RORA: variants seen among roughly 807,000 people sequenced by gnomAD.
RORA encodes the protein nuclear receptor ROR-alpha.
RORA carries 7 observed loss-of-function variants against 69.5 expected under a neutral mutation model. The ratio of observed to expected loss-of-function variants is 0.10; its 90% confidence interval spans 0.06 to 0.19. The LOEUF is 0.19. Among genes scored for constraint, RORA ranks in the 10% least tolerant of loss-of-function variants. The pLI is 1.00. For synonymous variants in RORA, 261 were observed against 240.8 expected (o/e 1.08, Z -0.78); for missense variants, 457 against 663.0 (o/e 0.69, Z 3.41).
At chr15:61,207,512 A>C (rs1419600408) in intron 1 of RORA, among the ~76,000 whole-genome samples, 1 of 152,250 alleles carries the variant, frequency 6.6e-6, no homozygotes, top group Non-Finnish European at 1.5e-5. Context: ...AGAACAACAC[A>C]CATTAATACA....
chr15:60,658,023 C>T (rs1250620766), intron 2 of RORA, among the ~76,000 whole-genome samples: 1 of 152,084 alleles, frequency 6.6e-6, no homozygotes, highest in African/African-American at 2.4e-5. Flanking sequence ...CCACTGCCTC[C>T]TCCAAAAAAA....
intron 1 of RORA, among the ~76,000 whole-genome samples, chr15:60,824,444 T>G (rs942748204): frequency 6.5e-5 from 9 of 138,138 alleles, no homozygotes; most frequent in Admixed American, 5.4e-4. Context: ...CATCTTCCCT[T>G]ATTAAAAAAA....
intron 2 of RORA, among the ~76,000 whole-genome samples, chr15:60,566,800 T>C (rs1241319647): frequency 1.3e-5 from 2 of 152,010 alleles, no homozygotes; most frequent in Non-Finnish European, 2.9e-5. Context: ...AGCATGAACA[T>C]GCGTGATGTG....
chr15:60,620,031 G>T (rs751582972), intron 2 of RORA, among the ~76,000 whole-genome samples: 3 of 152,148 alleles, frequency 2.0e-5, no homozygotes, highest in Non-Finnish European at 4.4e-5. Flanking sequence ...ACTCCTGAAG[G>T]TCCCACGGTC....
At chr15:61,219,308 C>T (rs1017319585) in intron 1 of RORA, among the ~76,000 whole-genome samples, 4 of 152,240 alleles carry the variant, frequency 2.6e-5, no homozygotes, top group African/African-American at 9.6e-5. Context: ...GGTGTGGTGG[C>T]TCATGCCTGT....
intron 1 of RORA, among the ~76,000 whole-genome samples, chr15:61,193,164 C>T (rs1214436387): frequency 6.6e-6 from 1 of 152,210 alleles, no homozygotes; most frequent in Non-Finnish European, 1.5e-5. Flanking sequence ...ATTCCTACCC[C>T]TCACACTTTG....
chr15:61,053,866 C>G (rs1313299271), intron 1 of RORA, among the ~76,000 whole-genome samples: 2 of 21,628 alleles, frequency 9.2e-5, no homozygotes, highest in South Asian at 3.6e-3. Context: ...TATATATAAA[C>G]ATTCTTCAGG....
chr15:60,516,147 TTATA>T (rs1378066948), intron 3 of RORA, among the ~76,000 whole-genome samples: 4 of 57,782 alleles, frequency 6.9e-5, no homozygotes, highest in African/African-American at 2.9e-4. Flanking sequence ...TTATATATAT[TTATA>T]TATATATATT....
At chr15:60,615,433 C>T (rs942433757) in intron 2 of RORA, among the ~76,000 whole-genome samples, 2 of 152,144 alleles carry the variant, frequency 1.3e-5, no homozygotes, top group Admixed American at 6.6e-5. Context: ...GGAAGATTCG[C>T]CCCAAAGTCT....
At chr15:60,955,627 A>G (rs966429653) in intron 1 of RORA, among the ~76,000 whole-genome samples, 8 of 152,192 alleles carry the variant, frequency 5.3e-5, no homozygotes, top group African/African-American at 1.9e-4. Flanking sequence ...ATACAGTGCA[A>G]AAGATTTTGT....
chr15:60,584,355 A>G (rs745596602), intron 2 of RORA, among the ~76,000 whole-genome samples: 2 of 152,238 alleles, frequency 1.3e-5, no homozygotes, highest in African/African-American at 4.8e-5. Flanking sequence ...ATGTTCATCC[A>G]TAAGTATAGG....
At chr15:61,200,352 G>A (rs2079884137) in intron 1 of RORA, among the ~76,000 whole-genome samples, 1 of 152,128 alleles carries the variant, frequency 6.6e-6, no homozygotes, top group African/African-American at 2.4e-5. Flanking sequence ...TCCAGGGCAG[G>A]CAAAGGCATG....
intron 1 of RORA, chr15:61,196,078 C>T (rs1203879596): frequency 2.6e-5 from 4 of 152,206 alleles, no homozygotes; most frequent in Non-Finnish European, 4.4e-5. Context: ...ATTTTAGTAG[C>T]AAAACCCACA....
At chr15:60,791,728 A>C (rs341441) in intron 1 of RORA, among the ~76,000 whole-genome samples, 1 of 152,256 alleles carries the variant, frequency 6.6e-6, no homozygotes, top group Non-Finnish European at 1.5e-5. Flanking sequence ...AGCAGCTGGA[A>C]GCTAAAAGAA....
intron 1 of RORA, among the ~76,000 whole-genome samples, chr15:60,894,492 G>A (rs187946673): frequency 1.3e-5 from 2 of 152,314 alleles, no homozygotes; most frequent in African/African-American, 2.4e-5. Flanking sequence ...AAAATTGGGC[G>A]TGGAGTCACA....
intron 1 of RORA, among the ~76,000 whole-genome samples, chr15:61,022,143 T>C (rs1895560138): frequency 6.6e-6 from 1 of 152,230 alleles, no homozygotes; most frequent in Non-Finnish European, 1.5e-5. Flanking sequence ...ATTTGCAGGC[T>C]CTATGATTTG....
At chr15:61,018,107 G>A (rs1407187788) in intron 1 of RORA, among the ~76,000 whole-genome samples, 1 of 152,158 alleles carries the variant, frequency 6.6e-6, no homozygotes, top group African/African-American at 2.4e-5. Flanking sequence ...ATGCTCCTAT[G>A]TGATACTTTG....
At chr15:60,977,202 C>T (rs1322318535) in intron 1 of RORA, among the ~76,000 whole-genome samples, 1 of 151,248 alleles carries the variant, frequency 6.6e-6, no homozygotes. Context: ...AGTTTTCCCT[C>T]ATAGATGTTA....
chr15:61,109,422 T>A (rs1187926481), intron 1 of RORA, among the ~76,000 whole-genome samples: 1 of 152,216 alleles, frequency 6.6e-6, no homozygotes, highest in Non-Finnish European at 1.5e-5. Context: ...ATCCTGGTAC[T>A]GGCAAAGTGA....
Sources: gnomAD v4.1 joint callset for allele counts (sites outside exome capture counted in the v4.1 genomes callset) on GRCh38, gnomAD v4.1.1 for gene constraint, MANE v1.5 for transcripts, NCBI Gene and HGNC (gene_info 2026-07-23, HGNC 2026-07-21) for gene names.